Variants in PRR16 observed in about 807,000 individuals in gnomAD.
The protein encoded by PRR16 is protein Largen.
A neutral mutation model predicts 18.2 loss-of-function variants in PRR16; 6 were observed. The observed-to-expected ratio is 0.33, with a 90% confidence interval of 0.18 to 0.65. The LOEUF is 0.65. Among genes scored for constraint, PRR16 ranks in the 30% least tolerant of loss-of-function variants. The pLI is 0.74. For synonymous variants in PRR16, 151 were observed against 147.8 expected (o/e 1.02, Z -0.16); for missense variants, 412 against 376.6 (o/e 1.09, Z -0.78).
the PRR16 span, among the ~76,000 whole-genome samples, chr5:120,733,793 A>G: frequency 1.3e-5 from 2 of 152,130 alleles, no homozygotes; most frequent in Non-Finnish European, 2.9e-5. Context: ...TTTTTTATCA[A>G]TTGTTTTCTT....
intron 1 of PRR16, among the ~76,000 whole-genome samples, chr5:120,602,740 T>A (rs1015571173): frequency 6.6e-6 from 1 of 152,114 alleles, no homozygotes; most frequent in Non-Finnish European, 1.5e-5. Flanking sequence ...GTATGTTCCT[T>A]TGATGCCTAA....
At chr5:120,593,518 C>T (rs1472545018) in intron 1 of PRR16, among the ~76,000 whole-genome samples, 1 of 117,504 alleles carries the variant, frequency 8.5e-6, no homozygotes, top group African/African-American at 2.9e-5. Flanking sequence ...AATACCCTAC[C>T]AAGAAAAAAA....
intron 1 of PRR16, among the ~76,000 whole-genome samples, chr5:120,680,905 A>G (rs1756949301): frequency 6.6e-6 from 1 of 152,152 alleles, no homozygotes; most frequent in Admixed American, 6.5e-5. Flanking sequence ...TAAACTCTAA[A>G]TTATGTTTTA....
At chr5:120,660,358 A>G (rs1756134004) in intron 1 of PRR16, among the ~76,000 whole-genome samples, 2 of 152,198 alleles carry the variant, frequency 1.3e-5, no homozygotes, top group South Asian at 2.1e-4. Context: ...GAAGCATGCC[A>G]CAGTGCCCTT....
At chr5:120,500,054 A>C (rs1235884291) in intron 1 of PRR16, among the ~76,000 whole-genome samples, 2 of 151,266 alleles carry the variant, frequency 1.3e-5, no homozygotes, top group East Asian at 1.9e-4. Context: ...GCCAATGTGG[A>C]GTGGAGGTGC....
At chr5:120,764,223 A>AGTAT in the PRR16 span, among the ~76,000 whole-genome samples, 1 of 151,958 alleles carries the variant, frequency 6.6e-6, no homozygotes, top group African/African-American at 2.4e-5. Context: ...ATTATGTTGA[A>AGTAT]GTATGTTCCT....
intron 1 of PRR16, among the ~76,000 whole-genome samples, chr5:120,670,213 T>A (rs1580860606): frequency 6.6e-6 from 1 of 152,272 alleles, no homozygotes; most frequent in South Asian, 2.1e-4. Flanking sequence ...CAGTACCACA[T>A]ATAGAACATG....
At chr5:120,523,686 A>C (rs924053771) in intron 1 of PRR16, among the ~76,000 whole-genome samples, 1 of 152,156 alleles carries the variant, frequency 6.6e-6, no homozygotes, top group African/African-American at 2.4e-5. Context: ...TCAGTGACTT[A>C]TTATGCTTAA....
intron 1 of PRR16, among the ~76,000 whole-genome samples, chr5:120,497,113 A>T (rs537756508): frequency 6.6e-6 from 1 of 152,258 alleles, no homozygotes; most frequent in East Asian, 1.9e-4. Context: ...GGCTTGTTTC[A>T]CGGCTCAGAA....
At chr5:120,491,009 TG>T (rs1373527214) in intron 1 of PRR16, among the ~76,000 whole-genome samples, 3 of 152,180 alleles carry the variant, frequency 2.0e-5, no homozygotes, top group Non-Finnish European at 2.9e-5. Flanking sequence ...ATCATTCCTC[TG>T]GAAGTTTTGT....
At chr5:120,775,794 CTATTTTT>C in the PRR16 span, among the ~76,000 whole-genome samples, 11 of 122,572 alleles carry the variant, frequency 9.0e-5, no homozygotes, top group African/African-American at 2.7e-4. Flanking sequence ...CTACGCCTGG[CTATTTTT>C]TTTTTTTTTT....
the PRR16 span, among the ~76,000 whole-genome samples, chr5:120,775,796 ATTTTTTTTTT>A: frequency 7.4e-5 from 6 of 80,616 alleles, no homozygotes; most frequent in African/African-American, 1.7e-4. Flanking sequence ...ACGCCTGGCT[ATTTTTTTTTT>A]TTTTTTTTTT....
At chr5:120,535,772 C>A (rs1751697761) in intron 1 of PRR16, among the ~76,000 whole-genome samples, 3 of 150,924 alleles carry the variant, frequency 2.0e-5, no homozygotes, top group African/African-American at 7.3e-5. Context: ...TGTACTCAGC[C>A]CGAGTGACAG....
At chr5:120,623,912 A>T (rs1754776938) in intron 1 of PRR16, among the ~76,000 whole-genome samples, 1 of 152,004 alleles carries the variant, frequency 6.6e-6, no homozygotes, top group South Asian at 2.1e-4. Flanking sequence ...ATAATATATA[A>T]TAATATATTA....
intron 1 of PRR16, among the ~76,000 whole-genome samples, chr5:120,644,768 TA>T (rs1302099072): frequency 6.6e-6 from 1 of 152,152 alleles, no homozygotes; most frequent in Non-Finnish European, 1.5e-5. Context: ...ATTTCTCAGA[TA>T]GAATATTGCC....
chr5:120,709,107 A>C, the PRR16 span, among the ~76,000 whole-genome samples: 17 of 144,682 alleles, frequency 1.2e-4, no homozygotes, highest in African/African-American at 3.1e-4. Context: ...TCCTGGGTTC[A>C]TGCCGTTCTC....
At chr5:120,608,200 A>T (rs1432295990) in intron 1 of PRR16, among the ~76,000 whole-genome samples, 1 of 152,216 alleles carries the variant, frequency 6.6e-6, no homozygotes, top group Non-Finnish European at 1.5e-5. Flanking sequence ...GAGGTTTCTG[A>T]TAGCACAAGA....
chr5:120,703,307 T>G, the PRR16 span, among the ~76,000 whole-genome samples: 1 of 152,214 alleles, frequency 6.6e-6, no homozygotes, highest in African/African-American at 2.4e-5. Flanking sequence ...TGGGGCAAAG[T>G]GTATTCACTT....
the PRR16 span, among the ~76,000 whole-genome samples, chr5:120,750,592 G>A: frequency 2.0e-5 from 3 of 151,970 alleles, no homozygotes; most frequent in African/African-American, 7.3e-5. Flanking sequence ...GCTTGGACAT[G>A]GGAGGCGGAG....
Sources: gnomAD v4.1 joint callset for allele counts (sites outside exome capture counted in the v4.1 genomes callset) on GRCh38, gnomAD v4.1.1 for gene constraint, MANE v1.5 for transcripts, NCBI Gene and HGNC (gene_info 2026-07-23, HGNC 2026-07-21) for gene names.